Variants in OTOS observed in about 807,000 individuals in gnomAD.
OTOS encodes the protein otospiralin.
In OTOS, 14 loss-of-function variants were observed where a neutral mutation model predicts 12.5. The ratio of observed to expected loss-of-function variants is 1.12; its 90% CI spans 0.74 to 1.76. The LOEUF is 1.76. Ranked by LOEUF, OTOS falls within the 40% of genes most tolerant of loss-of-function variation. OTOS has a pLI of 0.00. For synonymous variants in OTOS, 49 were observed against 47.6 expected, an observed-to-expected ratio of 1.03 and a Z score of -0.12; for missense variants, 141 against 112.8, an observed-to-expected ratio of 1.25 and a Z score of -1.13.
intron 3 of OTOS, among the ~76,000 whole-genome samples, chr2:240,139,606 A>C (rs981235296): frequency 5.3e-5 from 8 of 152,066 alleles, no homozygotes; most frequent in Non-Finnish European, 1.0e-4. Flanking sequence ...TTGTGTGGGG[A>C]GGGTGTGGGG....
At chr2:240,139,712 C>A (rs1390475124) in intron 3 of OTOS, among the ~76,000 whole-genome samples, 3 of 152,176 alleles carry the variant, frequency 2.0e-5, no homozygotes, top group Non-Finnish European at 4.4e-5. Context: ...GCAAGAGCAG[C>A]CCTGAAGATA....
chr2:240,139,938 G>C, intron 3 of OTOS, 124 bp downstream of exon 3: 1 of 1,142,636 alleles, frequency 8.8e-7, no homozygotes, highest in Non-Finnish European at 1.3e-6. Context: ...GCTTGGGCCT[G>C]AGCTGAGCCA....
intron 3 of OTOS, among the ~76,000 whole-genome samples, chr2:240,139,757 T>G (rs572950961): frequency 6.6e-6 from 1 of 152,148 alleles, no homozygotes; most frequent in African/African-American, 2.4e-5. Flanking sequence ...TGGGAGGGCC[T>G]GGGGGCTGGA....
chr2:240,140,311 C>G lies in OTOS; in HGVS notation c.16G>C (p.Val6Leu). The G allele has an allele frequency of 6.3e-7, 1 of 1,594,668 alleles. No individual in the cohort carries two copies. Among genetic ancestry groups the G allele is most frequent in the Non-Finnish European group, 8.5e-7 (1 of 1,170,400 alleles). Residue 6 changes from valine to leucine, a missense_variant, in exon 2 of 4, where the codon GTG becomes CTG. By Grantham distance (32) the Val-to-Leu change is conservative (BLOSUM62 1). Transcript: ENST00000319460. ...AGGAGGCAGAGGGCCAGCCCCGGCACCATGCAGGCCTGCATCTTCCCGGTG... is the reference window on the plus strand; with the variant it reads ...AGGAGGCAGAGGGCCAGCCCCGGCAGCATGCAGGCCTGCATCTTCCCGGTG... Reference protein sequence around the residue: MQACMVPGLALCLLLG... With the variant: MQACMLPGLALCLLLG...
At chr2:240,139,668 C>T (rs968290738) in intron 3 of OTOS, among the ~76,000 whole-genome samples, 8 of 152,168 alleles carry the variant, frequency 5.3e-5, no homozygotes, top group East Asian at 1.9e-4. Context: ...CACCCCACTC[C>T]GCTACCCCCC....
chr2:240,139,130 G>A lies in OTOS; in HGVS notation c.*40C>T. On this transcript the variant is annotated 3_prime_UTR_variant, in exon 4 of 4. Transcript: ENST00000319460. ...CATGCCTGTGGAGGCCCGACCGAGT[G>A]CAGCCTGGCGGGGTGGGCGGGCACC... 6.3e-7 allele frequency: 1 copy of A among 1,593,148 alleles called. No individual in the cohort carries two copies. The highest frequency in any genetic ancestry group is 8.6e-7 in the Non-Finnish European group (1 of 1,166,738).
chr2:240,140,457 G>C lies in OTOS; in HGVS notation c.-118-13C>G, dbSNP rs143978310. ...AGTGTGGGCAGCCCTGGGGAAAATG[G>C]CATGGATTTAAAAAAAAAATTCTTA... On this transcript the variant is annotated splice_polypyrimidine_tract_variant and intron_variant, in intron 1 of 3. Coordinates refer to ENST00000319460, the MANE Select transcript of OTOS (RefSeq NM_148961.4). The C allele has an allele frequency of 1.2e-5, 11 of 912,788 alleles. No homozygotes were observed. The highest frequency in any genetic ancestry group is 3.4e-5 in the African/African-American group (2 of 59,432). 56.5% of individuals were successfully genotyped at this position (912,788 alleles called of 1,614,324 possible). A position where few individuals can be genotyped will look rare whatever the true frequency, so the allele number is the denominator to read the frequency against.
At position 240,139,348 on chromosome 2, in the gene OTOS, T is replaced by A; in HGVS notation, c.92A>T (p.Tyr31Phe). 2 of 1,612,548 alleles carry A rather than the reference T, an allele frequency of 1.2e-6. No homozygotes were observed. Among genetic ancestry groups the A allele is most frequent in the Non-Finnish European group, 1.7e-6 (2 of 1,179,066 alleles). ...AKPVQEEGDP[Y>F]AELPAMPYWP... ...GTAGGGCATGGCCGGCAGCTCCGCG[T>A]AAGGGTCTGAAAGACACAAGACACC... is the stretch of plus-strand genomic sequence containing the variant. The change falls in exon 4 of 4, where the codon TAC becomes TTC. Residue 31 changes from tyrosine to phenylalanine, a missense_variant. Coordinates refer to ENST00000319460, the MANE Select transcript of OTOS (RefSeq NM_148961.4).
At position 240,139,331 on chromosome 2, in the gene OTOS, T is replaced by C; in HGVS notation, c.109A>G (p.Met37Val). Residue 37 changes from methionine to valine, a missense_variant, in exon 4 of 4, where the codon ATG (methionine) becomes GTG (valine). Physicochemically the swap from Met to Val is conservative, Grantham distance 21. Coordinates refer to ENST00000319460, the MANE Select transcript of OTOS (RefSeq NM_148961.4). ...EGDPYAELPAMPYWPFSTSDF... is the reference protein window; with the variant it reads ...EGDPYAELPAVPYWPFSTSDF... ...GAGGTGGAGAAAGGCCAGTAGGGCA[T>C]GGCCGGCAGCTCCGCGTAAGGGTCT... 6.2e-7 allele frequency: 1 copy of C among 1,613,820 alleles called. No individual in the cohort carries two copies.
At chr2:240,139,636 G>A (rs139547652) in intron 3 of OTOS, among the ~76,000 whole-genome samples, 3 of 152,246 alleles carry the variant, frequency 2.0e-5, no homozygotes, top group East Asian at 1.9e-4. Flanking sequence ...CCACCTGCTG[G>A]GATTTCAGAA....
At position 240,140,279 on chromosome 2, in the gene OTOS, C is replaced by A. The variant is rs2072044148; in HGVS notation, c.48G>T (p.Gly16=). The change falls in exon 2 of 4, where the codon GGG becomes GGT. Residue 16 remains glycine, a synonymous_variant. Coordinates refer to ENST00000319460, the MANE Select transcript of OTOS (RefSeq NM_148961.4). ...AGAGCGGCCCCTCACCTGCAAGAGGCCCCAGTAGGAGGCAGAGGGCCAGCC... is the reference window on the plus strand; with the variant it reads ...AGAGCGGCCCCTCACCTGCAAGAGGACCCAGTAGGAGGCAGAGGGCCAGCC... ...VPGLALCLLL[G]PLAGAKPVQE... 6.3e-7 allele frequency: 1 copy of A among 1,595,382 alleles called. No homozygotes were observed. The highest frequency in any genetic ancestry group is 2.3e-5 in the East Asian group (1 of 44,004).
intron 3 of OTOS, 35 bp from the exon 4 acceptor site, chr2:240,139,389 C>T (rs770420033): frequency 5.1e-6 from 8 of 1,584,062 alleles, no homozygotes; most frequent in South Asian, 3.4e-5. Flanking sequence ...TGGGGGCTGT[C>T]CCCATGGTCC....
intron 3 of OTOS, 22 bp downstream of exon 3, chr2:240,140,040 G>A (rs2072040629): frequency 6.2e-7 from 1 of 1,612,276 alleles, no homozygotes; most frequent in Non-Finnish European, 8.5e-7. Flanking sequence ...CAAATGAAAG[G>A]AAAGAAATTG....
At chr2:240,140,137 G>T in intron 2 of OTOS, 49 bp from the exon 3 acceptor site, 1 of 1,609,510 alleles carries the variant, frequency 6.2e-7, no homozygotes, top group Non-Finnish European at 8.5e-7. Flanking sequence ...CCCAGGTGCC[G>T]GTTGGGCCCA....
intron 3 of OTOS, 63 bp from the exon 4 acceptor site, chr2:240,139,417 C>A: frequency 6.6e-7 from 1 of 1,511,558 alleles, no homozygotes; most frequent in Non-Finnish European, 9.0e-7. Context: ...AGACACCATC[C>A]TCAGAGGTCT....
In OTOS at chr2:240,139,215, G is replaced by T; in HGVS notation, c.225C>A (p.Pro75=). The change falls in exon 4 of 4, where the codon CCC becomes CCA. Residue 75 remains proline (P), a synonymous_variant. Coordinates refer to ENST00000319460, the MANE Select transcript of OTOS (RefSeq NM_148961.4). ...DMARTFFAHF[P]LGSTLGFHVP... ...CGTGGAAGCCCAGCGTGCTCCCCAG[G>T]GGGAAGTGGGCAAAGAAGGTTCGGG... 6.2e-7 allele frequency: 1 copy of T among 1,614,138 alleles called. No individual in the cohort carries two copies. Among genetic ancestry groups the T allele is most frequent in the South Asian group, 1.1e-5 (1 of 91,084 alleles).
intron 2 of OTOS, 43 bp downstream of exon 2, chr2:240,140,226 T>A: frequency 6.3e-7 from 1 of 1,584,142 alleles, no homozygotes. Context: ...AGGAGGGCTG[T>A]CGGGGGTCCT....
chr2:240,139,052 T>C lies in OTOS; in HGVS notation c.*118A>G, dbSNP rs866704742. The C allele has an allele frequency of 5.6e-6, 6 of 1,077,940 alleles. No individual in the cohort carries two copies. The Middle Eastern group carries it at 9.6e-4, about 172-fold the overall frequency. The allele number at this position is 1,077,940 out of a possible 1,614,324, so 66.8% of individuals were successfully genotyped here. A position where few individuals can be genotyped will look rare whatever the true frequency, so the allele number is the denominator to read the frequency against. On this transcript the variant is annotated 3_prime_UTR_variant, in exon 4 of 4. Coordinates refer to ENST00000319460, the MANE Select transcript of OTOS (RefSeq NM_148961.4). ...TGTGCATCTTCAGTCCGGAGTTTAT[T>C]GAGCGTGAGACCAGGCCTGACTCCT... is the stretch of plus-strand genomic sequence containing the variant.
chr2:240,139,248 C>G lies in OTOS; in HGVS notation c.192G>C (p.Glu64Asp). 6.2e-7 allele frequency: 1 copy of G among 1,614,194 alleles called. No homozygotes were observed. The highest frequency in any genetic ancestry group is 2.2e-5 in the East Asian group (1 of 44,864). Residue 64 changes from glutamate to aspartate, a missense_variant, in exon 4 of 4, where the codon GAG becomes GAC. Glu to Asp is a conservative substitution (Grantham distance 45, BLOSUM62 2). Coordinates refer to ENST00000319460, the MANE Select transcript of OTOS (RefSeq NM_148961.4). ...GGGCAAAGAAGGTTCGGGCCATGTC[C>G]TCGATCTGGGGGTAGGCCCCCAGGG... ...FQALGAYPQI[E>D]DMARTFFAHF... is the part of the protein sequence containing the mutation.
Sources: allele counts gnomAD v4.1 joint callset (sites outside exome capture counted in the v4.1 genomes callset), GRCh38; gene constraint gnomAD v4.1.1; transcripts MANE v1.5; gene names NCBI Gene and HGNC (gene_info 2026-07-23, HGNC 2026-07-21).